The following RASGEF1A variants were observed in gnomAD, a reference collection of about 807,000 sequenced individuals.
The protein encoded by RASGEF1A is ras-GEF domain-containing family member 1A.
RASGEF1A carries 18 observed loss-of-function variants against 56.4 expected under a neutral mutation model. That is an observed-to-expected ratio of 0.32 (90% CI 0.22 to 0.47). The LOEUF is 0.47. RASGEF1A is among the 20% of genes least tolerant of loss of function. The pLI, the probability that RASGEF1A is intolerant of heterozygous loss-of-function variation, is 1.00. For synonymous variants in RASGEF1A, 245 were observed against 242.6 expected, an observed-to-expected ratio of 1.01 and a Z score of -0.09; for missense variants, 422 against 627.1, an observed-to-expected ratio of 0.67 and a Z score of 3.49.
chr10:43,223,193 T>C (rs967387810), intron 1 of RASGEF1A, among the ~76,000 whole-genome samples: 13 of 152,124 alleles, frequency 8.5e-5, no homozygotes, highest in African/African-American at 2.7e-4. Flanking sequence ...AAAAACTGTG[T>C]CTAGAAACAG....
chr10:43,225,881 G>T (rs747455021), intron 1 of RASGEF1A, among the ~76,000 whole-genome samples: 1 of 152,206 alleles, frequency 6.6e-6, no homozygotes, highest in East Asian at 1.9e-4. Context: ...CCCACGGGGA[G>T]GGGGAGAGAG....
chr10:43,260,598 C>G (rs1407868445), intron 1 of RASGEF1A, among the ~76,000 whole-genome samples: 1 of 152,178 alleles, frequency 6.6e-6, no homozygotes, highest in Non-Finnish European at 1.5e-5. Context: ...GGGTCCGCCC[C>G]CCTCTCAGGA....
intron 1 of RASGEF1A, among the ~76,000 whole-genome samples, chr10:43,213,097 G>A (rs1452198998): frequency 6.6e-6 from 1 of 152,122 alleles, no homozygotes; most frequent in East Asian, 1.9e-4. Context: ...GGCAGGAGCG[G>A]GAAACAAAGA....
intron 1 of RASGEF1A, among the ~76,000 whole-genome samples, chr10:43,256,172 C>A (rs996986702): frequency 6.6e-6 from 1 of 152,150 alleles, no homozygotes; most frequent in African/African-American, 2.4e-5. Flanking sequence ...CTGTGCCCCA[C>A]AAGCCACAGG....
At chr10:43,237,545 A>T (rs1456343794) in intron 1 of RASGEF1A, among the ~76,000 whole-genome samples, 1 of 147,868 alleles carries the variant, frequency 6.8e-6, no homozygotes, top group Non-Finnish European at 1.5e-5. Flanking sequence ...CTGCCTCCCA[A>T]CCTCTCTTTT....
chr10:43,202,095 A>G, intron 3 of RASGEF1A, 150 bp from the exon 4 acceptor site: 1 of 714,912 alleles, frequency 1.4e-6, no homozygotes, highest in East Asian at 2.9e-5. Flanking sequence ...GGTTTGGCCA[A>G]ACCTGAACCG....
intron 3 of RASGEF1A, among the ~76,000 whole-genome samples, 165 bp from the exon 4 acceptor site, chr10:43,202,110 A>G (rs1588927971): frequency 6.6e-6 from 1 of 152,146 alleles, no homozygotes; most frequent in Non-Finnish European, 1.5e-5. Context: ...GAACCGCCAC[A>G]TGACTCCTGT....
At chr10:43,226,338 G>A (rs1840279838) in intron 1 of RASGEF1A, among the ~76,000 whole-genome samples, 1 of 152,190 alleles carries the variant, frequency 6.6e-6, no homozygotes. Flanking sequence ...CTACTCAGGA[G>A]GCTGAGGCAG....
At chr10:43,200,109 A>G in intron 6 of RASGEF1A, 73 bp downstream of exon 6, 1 of 1,280,028 alleles carries the variant, frequency 7.8e-7, no homozygotes, top group Non-Finnish European at 1.1e-6. Context: ...TGAGGCCCAC[A>G]CCCACCCTGC....
chr10:43,213,625 T>G (rs1449834947), intron 1 of RASGEF1A, among the ~76,000 whole-genome samples: 1 of 152,026 alleles, frequency 6.6e-6, no homozygotes, highest in Non-Finnish European at 1.5e-5. Context: ...GTTGGAGAGT[T>G]TTTTATTGTT....
At chr10:43,202,461 C>T (rs1839915311) in intron 3 of RASGEF1A, among the ~76,000 whole-genome samples, 1 of 152,138 alleles carries the variant, frequency 6.6e-6, no homozygotes, top group African/African-American at 2.4e-5. Flanking sequence ...GAAACGACTC[C>T]GACCCTCTCG....
At chr10:43,258,096 C>G (rs1208867691) in intron 1 of RASGEF1A, among the ~76,000 whole-genome samples, 2 of 152,256 alleles carry the variant, frequency 1.3e-5, no homozygotes, top group Non-Finnish European at 2.9e-5. Flanking sequence ...AAAGCTGCCT[C>G]TATACTAGGT....
chr10:43,216,093 G>A (rs545792703), intron 1 of RASGEF1A, among the ~76,000 whole-genome samples: 8 of 152,288 alleles, frequency 5.3e-5, no homozygotes, highest in African/African-American at 1.2e-4. Context: ...TGTGTGTGTC[G>A]GCCTTGCTAA....
chr10:43,208,663 C>A, intron 1 of RASGEF1A: 4 of 985,618 alleles, frequency 4.1e-6, no homozygotes, highest in Non-Finnish European at 3.6e-6. Context: ...TACCTGGAGA[C>A]CCACCTGGGG....
rs1839825398 is a variant in RASGEF1A at position 43,197,904 on chromosome 10, G to T, written c.1224+100C>A. On this transcript the variant is annotated intron_variant, in intron 10 of 12. Transcript: ENST00000395810. ...AAGGCCCTTGTGAACCTCAGGCAGG[G>T]CTCAGGAAACCCACAGATCCCGACC... The T allele has an allele frequency of 8.6e-6, 9 of 1,041,016 alleles. No homozygotes were observed. In the Admixed American group the frequency reaches 2.0e-4, roughly 23 times the overall value. 64.5% of individuals were successfully genotyped at this position (1,041,016 alleles called of 1,614,324 possible). A position where few individuals can be genotyped will look rare whatever the true frequency, so the allele number is the denominator to read the frequency against.
chr10:43,238,118 G>A (rs59889348), intron 1 of RASGEF1A, among the ~76,000 whole-genome samples: 1 of 151,884 alleles, frequency 6.6e-6, no homozygotes, highest in Admixed American at 6.5e-5. Context: ...GGGTGCTGCA[G>A]ATTGAGACCT....
At chr10:43,255,858 C>T (rs564841678) in intron 1 of RASGEF1A, among the ~76,000 whole-genome samples, 2 of 152,314 alleles carry the variant, frequency 1.3e-5, no homozygotes, top group East Asian at 1.9e-4. Flanking sequence ...TGGCTCCTGG[C>T]GCTGTCTGCC....
chr10:43,215,947 A>G (rs1186477619), intron 1 of RASGEF1A, among the ~76,000 whole-genome samples: 2 of 152,190 alleles, frequency 1.3e-5, no homozygotes, highest in African/African-American at 2.4e-5. Flanking sequence ...GCTTCTGGGA[A>G]AGGACGAGCA....
intron 1 of RASGEF1A, among the ~76,000 whole-genome samples, chr10:43,227,330 TGTGA>T (rs1261642626): frequency 2.0e-5 from 3 of 152,076 alleles, no homozygotes; most frequent in Non-Finnish European, 4.4e-5. Flanking sequence ...CCCATGTGTC[TGTGA>T]GTATGTGACC....
Sources: allele counts gnomAD v4.1 joint callset (sites outside exome capture counted in the v4.1 genomes callset), GRCh38; gene constraint gnomAD v4.1.1; transcripts MANE v1.5; gene names NCBI Gene and HGNC (gene_info 2026-07-23, HGNC 2026-07-21).